The following SLX4IP variants were observed in gnomAD, a reference collection of about 807,000 sequenced individuals.
SLX4IP encodes protein SLX4IP.
Under a neutral mutation model 32.9 loss-of-function variants are expected in SLX4IP, and 34 were observed. The ratio of observed to expected loss-of-function variants is 1.03; its 90% CI spans 0.79 to 1.38. The LOEUF (loss-of-function observed/expected upper bound fraction) is 1.38. Among genes scored for constraint, SLX4IP ranks in the 40% most tolerant of loss-of-function variants. The pLI is 0.00. For missense variants in SLX4IP, 444 were observed against 479.0 expected (o/e 0.93, Z 0.68); for synonymous variants, 172 against 171.7 (o/e 1.00, Z -0.01).
At chr20:10,540,117 TTCCTTCCTTC>T (rs2066088898) in intron 2 of SLX4IP, among the ~76,000 whole-genome samples, 1 of 148,578 alleles carries the variant, frequency 6.7e-6, no homozygotes, top group African/African-American at 2.5e-5. Flanking sequence ...CCTTCCTTCC[TTCCTTCCTTC>T]CTTCCTTCCT....
intron 2 of SLX4IP, among the ~76,000 whole-genome samples, chr20:10,460,724 G>A (rs1460145676): frequency 6.6e-6 from 1 of 152,136 alleles, no homozygotes; most frequent in African/African-American, 2.4e-5. Context: ...TAGAGTCAGG[G>A]GAAGCTGCAC....
At chr20:10,469,736 G>A (rs183978429) in intron 2 of SLX4IP, among the ~76,000 whole-genome samples, 1 of 152,098 alleles carries the variant, frequency 6.6e-6, no homozygotes, top group South Asian at 2.1e-4. Context: ...GTATCTTCCC[G>A]CTGTGATCTA....
At chr20:10,529,390 A>C (rs984489246) in intron 2 of SLX4IP, among the ~76,000 whole-genome samples, 5 of 151,960 alleles carry the variant, frequency 3.3e-5, no homozygotes, top group Non-Finnish European at 7.4e-5. Context: ...GGAGTCTGAA[A>C]TTAGCCTGGC....
chr20:10,509,527 G>A (rs115023634), intron 2 of SLX4IP, among the ~76,000 whole-genome samples: 310 of 152,190 alleles, frequency 2.0e-3, no homozygotes, highest in African/African-American at 7.0e-3. Flanking sequence ...TCCCAAGTGT[G>A]GTAGGATATC....
At chr20:10,496,711 A>G (rs781492423) in intron 2 of SLX4IP, among the ~76,000 whole-genome samples, 2 of 151,692 alleles carry the variant, frequency 1.3e-5, no homozygotes, top group Non-Finnish European at 2.9e-5. Flanking sequence ...TTTTTGTCAG[A>G]AAAGCAAAGA....
chr20:10,485,829 TAAG>T (rs2065567976), intron 2 of SLX4IP, among the ~76,000 whole-genome samples: 1 of 152,170 alleles, frequency 6.6e-6, no homozygotes, highest in South Asian at 2.1e-4. Context: ...GAAAAAAGGT[TAAG>T]AAGATCATAA....
intron 2 of SLX4IP, among the ~76,000 whole-genome samples, chr20:10,546,264 T>C (rs2066161239): frequency 6.6e-6 from 1 of 152,182 alleles, no homozygotes; most frequent in African/African-American, 2.4e-5. Flanking sequence ...TTCTGTCAGG[T>C]TGTCTTTTCA....
intron 3 of SLX4IP, among the ~76,000 whole-genome samples, chr20:10,559,052 G>T (rs762122704): frequency 2.6e-5 from 4 of 151,860 alleles, no homozygotes; most frequent in Non-Finnish European, 5.9e-5. Flanking sequence ...TTGTTTCCAT[G>T]TATGTCTTTC....
At chr20:10,540,631 A>G (rs1028360506) in intron 2 of SLX4IP, among the ~76,000 whole-genome samples, 15 of 152,164 alleles carry the variant, frequency 9.9e-5, no homozygotes, top group African/African-American at 3.6e-4. Context: ...TTCTGAAGCC[A>G]TTTCATCAGT....
At chr20:10,537,712 A>C (rs2066060519) in intron 2 of SLX4IP, among the ~76,000 whole-genome samples, 1 of 152,250 alleles carries the variant, frequency 6.6e-6, no homozygotes. Flanking sequence ...TTAATAATAC[A>C]TGAGAAGAAT....
In SLX4IP at chr20:10,463,763, A is replaced by G. The variant is rs186375037; in HGVS notation, c.27+5532A>G. Among the ~76,000 whole-genome samples, 1,368 of 152,298 alleles carry G rather than the reference A, an allele frequency of 9.0e-3. 45 individuals are homozygous for G. Among genetic ancestry groups the G allele is most frequent in the Admixed American group, 0.059 (900 of 15,292 alleles). On this transcript the variant is annotated intron_variant, in intron 2 of 7. Coordinates refer to ENST00000334534, the MANE Select transcript of SLX4IP (RefSeq NM_001009608.3). ...TGCAAGATAGGAAATTAAGCATAGT[A>G]TACTACGTGGCTCAACTTTTTGTTC...
At chr20:10,531,170 C>T (rs1463722900) in intron 2 of SLX4IP, among the ~76,000 whole-genome samples, 1 of 152,194 alleles carries the variant, frequency 6.6e-6, no homozygotes, top group Non-Finnish European at 1.5e-5. Context: ...TTCTCCCCAC[C>T]CATCTCAGCT....
chr20:10,453,704 G>A (rs2065262206), intron 1 of SLX4IP, among the ~76,000 whole-genome samples: 1 of 151,248 alleles, frequency 6.6e-6, no homozygotes, highest in Admixed American at 6.6e-5. Context: ...GATCCTTTGT[G>A]TTCTCCACCT....
intron 4 of SLX4IP, among the ~76,000 whole-genome samples, chr20:10,585,515 A>ACTTTTC (rs1002763003): frequency 1.2e-3 from 186 of 151,092 alleles, no homozygotes; most frequent in African/African-American, 3.2e-3. Context: ...CTGAACTCCA[A>ACTTTTC]CTTTTCCTTT....
rs1321394666 is a variant in SLX4IP at position 10,588,378 on chromosome 20, A to C, written c.239-10297A>C. 2.0e-5 allele frequency among the ~76,000 whole-genome samples: 3 copies of C among 152,216 alleles called. No homozygotes were observed. The East Asian group carries it at 5.8e-4, about 29-fold the overall frequency. ...AAGTATTGGTGAAGGTGTGGAGAAAAGGGAACCCTTGCATGCTTTTGATGG... is the reference window on the plus strand; with the variant it reads ...AAGTATTGGTGAAGGTGTGGAGAAACGGGAACCCTTGCATGCTTTTGATGG... On this transcript the variant is annotated intron_variant, in intron 4 of 7. Coordinates refer to ENST00000334534, the MANE Select transcript of SLX4IP (RefSeq NM_001009608.3).
chr20:10,608,068 GT>G (rs542559466), intron 6 of SLX4IP, among the ~76,000 whole-genome samples: 3 of 152,172 alleles, frequency 2.0e-5, no homozygotes, highest in African/African-American at 7.2e-5. Context: ...ATCCTTTGTG[GT>G]TTTTTTCTCA....
rs190764475 is a variant in SLX4IP, at chr20:10,549,862, A to C, written c.28-6369A>C. ...CTCTGTAAATGGCAATCAATATTTT[A>C]AACTGTGATTGTTTAATCACATCAC... On this transcript the variant is annotated intron_variant, in intron 2 of 7. Coordinates refer to ENST00000334534, the MANE Select transcript of SLX4IP (RefSeq NM_001009608.3). Among the ~76,000 whole-genome samples the C allele has an allele frequency of 2.6e-5, 4 of 152,366 alleles. No individual in the cohort carries two copies. The East Asian group carries it at 7.7e-4, about 29-fold the overall frequency.
At chr20:10,452,800 T>C (rs897227253) in intron 1 of SLX4IP, among the ~76,000 whole-genome samples, 3 of 151,492 alleles carry the variant, frequency 2.0e-5, no homozygotes, top group South Asian at 4.2e-4. Context: ...GCTGTGAGCC[T>C]AGATTGAGCC....
At chr20:10,598,783 A>G (rs749953917) in intron 5 of SLX4IP, 31 bp downstream of exon 5, 1 of 1,599,258 alleles carries the variant, frequency 6.3e-7, no homozygotes, top group South Asian at 1.1e-5. Context: ...TTTGTCAGAC[A>G]TTTCACACAA....
Sources: allele counts gnomAD v4.1 joint callset (sites outside exome capture counted in the v4.1 genomes callset), GRCh38; gene constraint gnomAD v4.1.1; transcripts MANE v1.5; gene names NCBI Gene and HGNC (gene_info 2026-07-23, HGNC 2026-07-21).